The following CREG1 variants were observed in gnomAD, a reference collection of about 807,000 sequenced individuals.
CREG1 encodes cellular repressor of E1A stimulated genes 1.
A neutral mutation model predicts 19.9 loss-of-function variants in CREG1; 20 were observed. That is an observed-to-expected ratio of 1.01 (90% confidence interval 0.71 to 1.46). CREG1 has a LOEUF of 1.46. Among genes scored for constraint, CREG1 ranks in the 40% most tolerant of loss-of-function variants. The pLI is 0.00. For synonymous variants in CREG1, 141 were observed against 143.3 expected, an observed-to-expected ratio of 0.98 and a Z score of 0.12; for missense variants, 290 against 314.9, an observed-to-expected ratio of 0.92 and a Z score of 0.60.
chr1:167,547,052 G>A (rs1187016312), intron 2 of CREG1, among the ~76,000 whole-genome samples: 1 of 152,198 alleles, frequency 6.6e-6, no homozygotes, highest in Non-Finnish European at 1.5e-5. Context: ...GCCAGTGAAG[G>A]ACACTCAACT....
chr1:167,547,734 A>G (rs542265704), intron 2 of CREG1, among the ~76,000 whole-genome samples: 29 of 152,266 alleles, frequency 1.9e-4, no homozygotes, highest in African/African-American at 5.8e-4. Context: ...CAGCCTGGCC[A>G]ACATGGTGAA....
intron 3 of CREG1, among the ~76,000 whole-genome samples, chr1:167,542,970 G>A (rs1251738788): frequency 1.3e-5 from 2 of 152,150 alleles, no homozygotes; most frequent in African/African-American, 4.8e-5. Flanking sequence ...CTTGTTGGGC[G>A]GGCGCGGTGG....
Position 167,541,324 on chromosome 1 carries a change from CCTGA to C in CREG1, c.*970_*973del, listed in dbSNP as rs553061677. The C allele has an allele frequency of 1.1e-3, 167 of 152,234 alleles. No individual in the cohort carries two copies. Among genetic ancestry groups the C allele is most frequent in the African/African-American group, 3.9e-3 (162 of 41,524 alleles). The allele number at this position is 152,234 out of a possible 1,614,324, so 9.4% of individuals were successfully genotyped here. ...TGCCATGTTCTCTTCCCTCTGGTGA[CCTGA>C]CTTAGATTGTAGCAGCACTAGAAGC... On this transcript the variant is annotated 3_prime_UTR_variant, in exon 4 of 4. Transcript: ENST00000370509.
chr1:167,549,939 G>A (rs1486520825), intron 1 of CREG1, among the ~76,000 whole-genome samples: 3 of 151,986 alleles, frequency 2.0e-5, no homozygotes, highest in Non-Finnish European at 2.9e-5. Flanking sequence ...CTCCCACCTC[G>A]GCCTTCCAAA....
chr1:167,548,498 A>G (rs913653519), intron 1 of CREG1, among the ~76,000 whole-genome samples: 3 of 152,242 alleles, frequency 2.0e-5, no homozygotes, highest in Non-Finnish European at 4.4e-5. Flanking sequence ...ACCATTGCTA[A>G]AAACACCACA....
intron 3 of CREG1, 22 bp from the exon 4 acceptor site, chr1:167,542,323 A>T: frequency 1.9e-6 from 3 of 1,598,066 alleles, no homozygotes; most frequent in Non-Finnish European, 2.6e-6. Context: ...AACAGAGAAG[A>T]ATTATTTTGT....
rs1446729524 is a variant in CREG1, at chr1:167,541,140, T to C, written c.*1158A>G. 6.6e-6 allele frequency: 1 copy of C among 152,244 alleles called. No homozygotes were observed. Among genetic ancestry groups the C allele is most frequent in the East Asian group, 1.9e-4 (1 of 5,206 alleles). 9.4% of individuals were successfully genotyped at this position (152,244 alleles called of 1,614,324 possible). A position where few individuals can be genotyped will look rare whatever the true frequency, so the allele number is the denominator to read the frequency against. Reference sequence around the variant, plus strand: ...ATCTCAGTTAAGTTCACTTTGCAGTTTTCAGACACAATGACTCATATTCAA... The same window carrying C: ...ATCTCAGTTAAGTTCACTTTGCAGTCTTCAGACACAATGACTCATATTCAA... On this transcript the variant is annotated 3_prime_UTR_variant, in exon 4 of 4. Coordinates refer to ENST00000370509, the MANE Select transcript of CREG1 (RefSeq NM_003851.3).
chr1:167,549,344 T>C (rs1656382862), intron 1 of CREG1, among the ~76,000 whole-genome samples: 1 of 151,986 alleles, frequency 6.6e-6, no homozygotes, highest in South Asian at 2.1e-4. Flanking sequence ...GGTTAAAATG[T>C]TGAAACAGGC....
chr1:167,550,023 T>A (rs931965293), intron 1 of CREG1, among the ~76,000 whole-genome samples: 3 of 152,122 alleles, frequency 2.0e-5, no homozygotes, highest in African/African-American at 7.2e-5. Context: ...AGAATCAAGC[T>A]CTGTCACCCA....
intron 3 of CREG1, among the ~76,000 whole-genome samples, chr1:167,545,658 A>G (rs1212363922): frequency 6.6e-6 from 1 of 152,078 alleles, no homozygotes; most frequent in African/African-American, 2.4e-5. Flanking sequence ...ACAAAAAATC[A>G]GCTGGGTGTG....
At chr1:167,543,891 G>A (rs1306905338) in intron 3 of CREG1, among the ~76,000 whole-genome samples, 1 of 152,200 alleles carries the variant, frequency 6.6e-6, no homozygotes, top group Non-Finnish European at 1.5e-5. Context: ...AAAAGTATCT[G>A]TTTTACTCAC....
At position 167,546,087 on chromosome 1, in the gene CREG1, G is replaced by A. The variant is rs755750548; in HGVS notation, c.659+14C>T. On this transcript the variant is annotated intron_variant, in intron 3 of 3. Coordinates refer to ENST00000370509, the MANE Select transcript of CREG1 (RefSeq NM_003851.3). ...AGGGCGGCAATCTTAGGTGAAAGAT[G>A]TGTAAGTACTTACTGAACTGTGACA... 2.9e-5 allele frequency: 46 copies of A among 1,578,002 alleles called. No homozygotes were observed. The highest frequency in any genetic ancestry group is 1.9e-4 in the South Asian group (16 of 85,172).
rs1408611660 is a variant in CREG1, at chr1:167,541,881, T to C, written c.*417A>G. The C allele has an allele frequency of 1.3e-5, 2 of 154,982 alleles. No individual in the cohort carries two copies. The highest frequency in any genetic ancestry group is 2.9e-5 in the Non-Finnish European group (2 of 69,782). The allele number at this position is 154,982 out of a possible 1,614,324, so 9.6% of individuals were successfully genotyped here. A position where few individuals can be genotyped will look rare whatever the true frequency, so the allele number is the denominator to read the frequency against. ...GCTCAGGCAGCTCAGGAGGCAGCTG[T>C]GGTGAGTGATGCACTCTACCAAGCA... On this transcript the variant is annotated 3_prime_UTR_variant, in exon 4 of 4. Coordinates refer to ENST00000370509, the MANE Select transcript of CREG1 (RefSeq NM_003851.3).
chr1:167,548,890 G>C (rs1427884789), intron 1 of CREG1, among the ~76,000 whole-genome samples: 1 of 152,172 alleles, frequency 6.6e-6, no homozygotes, highest in Non-Finnish European at 1.5e-5. Flanking sequence ...TCACTGTCTA[G>C]AAACTATTAG....
intron 3 of CREG1, 128 bp downstream of exon 3, chr1:167,545,973 G>A: frequency 3.6e-6 from 2 of 552,080 alleles, no homozygotes. Flanking sequence ...TCTGAGAAGG[G>A]GTCAGCGGCT....
At chr1:167,544,674 G>GC (rs937182473) in intron 3 of CREG1, among the ~76,000 whole-genome samples, 15 of 152,144 alleles carry the variant, frequency 9.9e-5, no homozygotes, top group Admixed American at 2.0e-4. Flanking sequence ...CTTCCTGGCT[G>GC]CAAGAACAAA....
At position 167,553,513 on chromosome 1, in the gene CREG1, G is replaced by A. The variant is rs1215864348; in HGVS notation, c.229C>T (p.Leu77=). Residue 77 remains leucine, a synonymous_variant, in exon 1 of 4, where the codon CTG becomes TTG. Coordinates refer to ENST00000370509, the MANE Select transcript of CREG1 (RefSeq NM_003851.3). ...DWGALATIST[L]EAVRGRPFAD... The stretch of plus-strand genomic sequence containing the variant: ...AAGGGCCGGCCGCGCACCGCCTCCA[G>A]CGTGGAGATGGTGGCCAGAGCGCCC... 6.7e-7 allele frequency: 1 copy of A among 1,489,756 alleles called. No individual in the cohort carries two copies. Among genetic ancestry groups the A allele is most frequent in the African/African-American group, 1.5e-5 (1 of 68,676 alleles). The allele number at this position is 1,489,756 out of a possible 1,614,324, so 92.3% of individuals were successfully genotyped here.
Position 167,546,285 on chromosome 1 carries a change from C to T in CREG1, c.475G>A (p.Val159Met). The T allele has an allele frequency of 6.4e-7, 1 of 1,570,280 alleles. No homozygotes were observed. Residue 159 changes from valine (V) to methionine (M), a missense_variant and splice_region_variant, in exon 3 of 4, where the codon GTG (valine) becomes ATG (methionine). Val to Met is a conservative substitution (Grantham distance 21, BLOSUM62 1). Transcript: ENST00000370509. ...GCAATATCCATTTCTGTTTCATTCA[C>T]CTAAAGGACATATATGAAATAAACA... The part of the protein sequence containing the change: ...HIMLSGTVTK[V>M]NETEMDIAKH...
rs753860652 is a variant in CREG1, at chr1:167,544,605, TA to T, written c.659+1495del. On this transcript the variant is annotated intron_variant, in intron 3 of 3. Transcript: ENST00000370509. ...CAGAGGAGAAGTACAGCATCATGGA[TA>T]GAAGTCAGGTGATGGCTCTGGAGCA... Among the ~76,000 whole-genome samples the T allele has an allele frequency of 1.5e-4, 23 of 152,212 alleles. No homozygotes were observed. In the East Asian group the frequency reaches 3.9e-3, roughly 26 times the overall value.
Sources: gnomAD v4.1 joint callset for allele counts (sites outside exome capture counted in the v4.1 genomes callset) on GRCh38, gnomAD v4.1.1 for gene constraint, MANE v1.5 for transcripts, NCBI Gene and HGNC (gene_info 2026-07-23, HGNC 2026-07-21) for gene names.